The following SEMA3A variants were observed in gnomAD, a reference collection of about 807,000 sequenced individuals.
The protein encoded by SEMA3A is semaphorin-3A.
Under a neutral mutation model 97.9 loss-of-function variants are expected in SEMA3A, and 29 were observed. The observed-to-expected ratio is 0.30, with a 90% confidence interval of 0.22 to 0.40. SEMA3A has a LOEUF of 0.40. Among genes scored for constraint, SEMA3A ranks in the 10% least tolerant of loss-of-function variants. The pLI, the probability that SEMA3A is intolerant of heterozygous loss-of-function variation, is 1.00. For synonymous variants in SEMA3A, 321 were observed against 323.7 expected (o/e 0.99, Z 0.09); for missense variants, 763 against 951.3 (o/e 0.80, Z 2.60).
intron 3 of SEMA3A, among the ~76,000 whole-genome samples, chr7:84,283,959 G>A (rs554225551): frequency 5.3e-5 from 8 of 151,836 alleles, no homozygotes; most frequent in African/African-American, 1.4e-4. Flanking sequence ...TAAGATTTAC[G>A]TGCTTTGGAT....
At chr7:84,091,357 AAAGGAAGAAAGG>A (rs1346691168) in intron 4 of SEMA3A, among the ~76,000 whole-genome samples, 1 of 146,442 alleles carries the variant, frequency 6.8e-6, no homozygotes, top group Admixed American at 7.0e-5. Flanking sequence ...AGGAAGGAAG[AAAGGAAGAAAGG>A]AAGGAAGGAA....
chr7:84,180,229 A>G (rs1045535824), intron 1 of SEMA3A, among the ~76,000 whole-genome samples: 2 of 151,244 alleles, frequency 1.3e-5, no homozygotes, highest in African/African-American at 4.9e-5. Context: ...TACAGGCATG[A>G]GCCACCGTGC....
rs767529222 is a variant in SEMA3A at position 84,469,801 on chromosome 7, G to A, written c.-246+22659C>T. The stretch of plus-strand genomic sequence containing the variant: ...TACTAATGTAAAATGAGATGTCTTC[G>A]TGATAAATCTATTGTAATTTCCAAG... On this transcript the variant is annotated intron_variant, in intron 1 of 3. Coordinates refer to the SEMA3A transcript ENST00000424555. Among the ~76,000 whole-genome samples the A allele has an allele frequency of 8.6e-5, 13 of 151,898 alleles. No individual in the cohort carries two copies. In the South Asian group the frequency reaches 1.0e-3, roughly 12 times the overall value.
intron 2 of SEMA3A, among the ~76,000 whole-genome samples, chr7:84,349,955 G>C (rs2116020165): frequency 6.6e-6 from 1 of 151,890 alleles, no homozygotes; most frequent in South Asian, 2.1e-4. Context: ...CTGCCTTCTT[G>C]ATGTCTCCAG....
chr7:83,977,802 T>C (rs912193462), intron 14 of SEMA3A, among the ~76,000 whole-genome samples: 1 of 150,564 alleles, frequency 6.6e-6, no homozygotes, highest in Non-Finnish European at 1.5e-5. Context: ...TTTTTTTTCT[T>C]TCTTTCTTTT....
chr7:83,979,785 G>C (rs1409642173), intron 14 of SEMA3A, among the ~76,000 whole-genome samples: 1 of 152,066 alleles, frequency 6.6e-6, no homozygotes, highest in African/African-American at 2.4e-5. Context: ...TTATATAACA[G>C]ACTAAATTGT....
chr7:84,126,923 T>G (rs970966712), intron 3 of SEMA3A, among the ~76,000 whole-genome samples: 4 of 152,068 alleles, frequency 2.6e-5, no homozygotes, highest in Non-Finnish European at 4.4e-5. Flanking sequence ...CCTCTCTGGG[T>G]TCTTACTTCA....
chr7:84,160,349 T>C (rs1796992264), intron 1 of SEMA3A, among the ~76,000 whole-genome samples: 1 of 151,810 alleles, frequency 6.6e-6, no homozygotes, highest in East Asian at 1.9e-4. Flanking sequence ...AATAACTCCA[T>C]AGTCAGCCTG....
At chr7:84,110,202 TG>T (rs1233704054) in intron 4 of SEMA3A, among the ~76,000 whole-genome samples, 1 of 152,198 alleles carries the variant, frequency 6.6e-6, no homozygotes, top group Admixed American at 6.5e-5. Context: ...TGCTGACATC[TG>T]CTGCACATGC....
intron 1 of SEMA3A, among the ~76,000 whole-genome samples, chr7:84,433,401 T>C (rs1805040361): frequency 6.6e-6 from 1 of 152,098 alleles, no homozygotes; most frequent in South Asian, 2.1e-4. Flanking sequence ...GCAAAAGACA[T>C]GAACTCATCC....
intron 3 of SEMA3A, among the ~76,000 whole-genome samples, chr7:84,294,014 G>C (rs55868228): frequency 0.067 from 10,152 of 152,082 alleles, 486 homozygotes; most frequent in Middle Eastern, 0.078. Context: ...CCAGTCAAAT[G>C]TATGGATCTG....
At chr7:84,392,999 T>C (rs1433638314) in intron 1 of SEMA3A, among the ~76,000 whole-genome samples, 2 of 152,180 alleles carry the variant, frequency 1.3e-5, no homozygotes, top group Non-Finnish European at 2.9e-5. Context: ...AGGTTGTCTC[T>C]TCAACATTGT....
intron 1 of SEMA3A, among the ~76,000 whole-genome samples, chr7:84,380,101 T>A (rs931286584): frequency 6.6e-6 from 1 of 152,156 alleles, no homozygotes; most frequent in Non-Finnish European, 1.5e-5. Flanking sequence ...CAGCATATGT[T>A]CCCAAATAAA....
At chr7:83,988,424 T>A (rs1353128098) in intron 12 of SEMA3A, among the ~76,000 whole-genome samples, 3 of 152,056 alleles carry the variant, frequency 2.0e-5, no homozygotes, top group Non-Finnish European at 4.4e-5. Flanking sequence ...AGATGGGGTT[T>A]CACCATGTGT....
At chr7:84,044,300 C>A (rs527944337) in intron 6 of SEMA3A, among the ~76,000 whole-genome samples, 1 of 151,920 alleles carries the variant, frequency 6.6e-6, no homozygotes, top group East Asian at 1.9e-4. Flanking sequence ...ATCTCAGCAC[C>A]TTTTCATTTC....
chr7:84,012,490 A>T (rs1790923050), intron 7 of SEMA3A, among the ~76,000 whole-genome samples: 1 of 152,216 alleles, frequency 6.6e-6, no homozygotes, highest in Admixed American at 6.6e-5. Flanking sequence ...GCTTGTTCAC[A>T]GCCAGTGCTT....
chr7:84,310,362 T>G (rs1476539178), intron 2 of SEMA3A, among the ~76,000 whole-genome samples: 1 of 151,990 alleles, frequency 6.6e-6, no homozygotes, highest in Non-Finnish European at 1.5e-5. Flanking sequence ...TGATCCAACC[T>G]GACAGTTGTT....
At chr7:84,257,487 C>G (rs188982001) in intron 3 of SEMA3A, among the ~76,000 whole-genome samples, 114 of 152,230 alleles carry the variant, frequency 7.5e-4, no homozygotes, top group African/African-American at 2.7e-3. Context: ...ATCCCATACA[C>G]TGTAATCAGG....
intron 2 of SEMA3A, among the ~76,000 whole-genome samples, chr7:84,323,044 A>G (rs1013571815): frequency 5.3e-5 from 8 of 152,188 alleles, no homozygotes; most frequent in Non-Finnish European, 1.2e-4. Flanking sequence ...AAAGTGAGGA[A>G]AATAATAGTA....
Sources: gnomAD v4.1 joint callset for allele counts (sites outside exome capture counted in the v4.1 genomes callset) on GRCh38, gnomAD v4.1.1 for gene constraint, MANE v1.5 for transcripts, NCBI Gene and HGNC (gene_info 2026-07-23, HGNC 2026-07-21) for gene names.